The following SLC27A1 variants were observed in gnomAD, a reference collection of about 807,000 sequenced individuals.
The protein encoded by SLC27A1 is solute carrier family 27 member 1, also known as long-chain fatty acid transport protein 1.
Under a neutral mutation model 62.2 loss-of-function variants are expected in SLC27A1, and 61 were observed. The observed-to-expected ratio is 0.98, with a 90% CI of 0.80 to 1.21. SLC27A1 has a LOEUF of 1.21. Among genes scored for constraint, SLC27A1 ranks in the 50% most tolerant of loss-of-function variants. The probability of loss-of-function intolerance (pLI) is 0.00; values close to 1 mark genes in which losing one functional copy is unlikely to be tolerated. For synonymous variants in SLC27A1, 435 were observed against 408.6 expected (o/e 1.06, Z -0.78); for missense variants, 903 against 932.1 (o/e 0.97, Z 0.41).
chr19:17,502,344 GTTT>G (rs1231886797), intron 11 of SLC27A1, among the ~76,000 whole-genome samples: 3 of 15,696 alleles, frequency 1.9e-4, no homozygotes, highest in Non-Finnish European at 4.0e-4. Flanking sequence ...TGTTTTTTTT[GTTT>G]TTTTTTTTTT....
chr19:17,469,853 C>A (rs1401080255), upstream of SLC27A1, among the ~76,000 whole-genome samples: 2 of 82,234 alleles, frequency 2.4e-5, no homozygotes, highest in African/African-American at 4.8e-5. Flanking sequence ...GGGGCTTGAA[C>A]GGATTGGGGA....
intron 1 of SLC27A1, among the ~76,000 whole-genome samples, chr19:17,480,200 G>A (rs2075162457): frequency 6.6e-6 from 1 of 150,924 alleles, no homozygotes; most frequent in Non-Finnish European, 1.5e-5. Flanking sequence ...GCTAATTTTT[G>A]TATTTTTAGT....
chr19:17,500,736 T>C lies in SLC27A1; in HGVS notation c.1496T>C (p.Leu499Pro). ...LSGDVLVMDE[L>P]GYMYFRDRSG... is the part of the protein sequence containing the mutation. ...GGTGACGTGCTAGTGATGGATGAGC[T>C]GGGCTACATGTACTTCCGGGACCGT... is the stretch of plus-strand genomic sequence containing the variant. Residue 499 changes from leucine (L) to proline (P), a missense_variant, in exon 10 of 12, where the codon CTG (leucine) becomes CCG (proline). Coordinates refer to ENST00000252595, the MANE Select transcript of SLC27A1 (RefSeq NM_198580.3). 6.2e-7 allele frequency: 1 copy of C among 1,614,060 alleles called. No homozygotes were observed. The highest frequency in any genetic ancestry group is 8.5e-7 in the Non-Finnish European group (1 of 1,180,006).
In SLC27A1 at chr19:17,487,447, G is replaced by A; in HGVS notation, c.725-13G>A. 1.9e-6 allele frequency: 3 copies of A among 1,560,724 alleles called. No homozygotes were observed. Among genetic ancestry groups the A allele is most frequent in the Non-Finnish European group, 2.6e-6 (3 of 1,164,570 alleles). On this transcript the variant is annotated splice_polypyrimidine_tract_variant and intron_variant, in intron 3 of 11. Coordinates refer to ENST00000252595, the MANE Select transcript of SLC27A1 (RefSeq NM_198580.3). ...TGCTCAGGCCCCACCCCTAACACCT[G>A]TATCTCCTGCAGATCGTCTTTTCTA...
chr19:17,483,762 C>G (rs984405104), intron 1 of SLC27A1: 1 of 152,718 alleles, frequency 6.5e-6, no homozygotes, highest in Non-Finnish European at 1.5e-5. Flanking sequence ...TAATTCCCCC[C>G]ACACTGACCT....
rs1027967628 is a variant in SLC27A1, at chr19:17,489,174, C to T, written c.996+57C>T. On this transcript the variant is annotated intron_variant, in intron 6 of 11. Coordinates refer to ENST00000252595, the MANE Select transcript of SLC27A1 (RefSeq NM_198580.3). ...GCCCCTCCCAGCCAGGCCTCACCCCCTCCCAATCAGGCCCCACCTCCTCCC... is the reference window on the plus strand; with the variant it reads ...GCCCCTCCCAGCCAGGCCTCACCCCTTCCCAATCAGGCCCCACCTCCTCCC... 4.1e-6 allele frequency: 6 copies of T among 1,461,244 alleles called. No homozygotes were observed. The South Asian group carries it at 4.8e-5, about 12-fold the overall frequency. 90.5% of individuals were successfully genotyped at this position (1,461,244 alleles called of 1,614,324 possible). A position where few individuals can be genotyped will look rare whatever the true frequency, so the allele number is the denominator to read the frequency against.
Position 17,470,700 on chromosome 19 carries a change from GAC to G in SLC27A1, c.161_162del (p.Asp54AlafsTer123). ...LRIVCKTARR[D>X]LFGLSVLIRV... Reference sequence around the variant, plus strand: ...CATCGTCTGCAAGACCGCGAGGCGAGACCTCTTGTGAGTGTTGCCGGGATCCG... The same window carrying G: ...CATCGTCTGCAAGACCGCGAGGCGAGCTCTTGTGAGTGTTGCCGGGATCCG... On this transcript the variant is annotated frameshift_variant, in exon 1 of 12. Transcript: ENST00000252595. LOFTEE classifies it high-confidence loss of function. 6.3e-7 allele frequency: 1 copy of G among 1,582,050 alleles called. No homozygotes were observed. Among genetic ancestry groups the G allele is most frequent in the Non-Finnish European group, 8.5e-7 (1 of 1,170,322 alleles).
intron 1 of SLC27A1, among the ~76,000 whole-genome samples, chr19:17,478,846 C>A (rs910613787): frequency 1.7e-4 from 26 of 152,236 alleles, no homozygotes; most frequent in Non-Finnish European, 2.6e-4. Flanking sequence ...GCACTCCACC[C>A]TGGGCAACTG....
In SLC27A1 at chr19:17,486,536, C is replaced by G; in HGVS notation, c.168-27C>G. ...GCCAGGCGGGGCAGGGCACCAGTGA[C>G]GCTGTCCCCTCCGTCCTCCCTCCCA... On this transcript the variant is annotated intron_variant, in intron 1 of 11. Coordinates refer to ENST00000252595, the MANE Select transcript of SLC27A1 (RefSeq NM_198580.3). The surrounding 1 kb of genome is among the most constrained non-coding windows in gnomAD (Gnocchi z 6.6). The G allele has an allele frequency of 6.5e-7, 1 of 1,545,184 alleles. No individual in the cohort carries two copies. The highest frequency in any genetic ancestry group is 8.7e-7 in the Non-Finnish European group (1 of 1,151,764).
Position 17,500,844 on chromosome 19 carries a change from C to CAA in SLC27A1, c.1605_1606insAA (p.Asp536LysfsTer89). On this transcript the variant is annotated frameshift_variant, in exon 10 of 12. Transcript: ENST00000252595. LOFTEE classifies it high-confidence loss of function. ...GTGCTGAGCCGCCTGCTGGGCCAGACAGACGTGGCCGTCTATGGGGTGGCT... is the reference window on the plus strand; with the variant it reads ...GTGCTGAGCCGCCTGCTGGGCCAGACAAAGACGTGGCCGTCTATGGGGTGGCT... The CAA allele has an allele frequency of 1.2e-6, 2 of 1,610,456 alleles. No individual in the cohort carries two copies. Among genetic ancestry groups the CAA allele is most frequent in the Non-Finnish European group, 1.7e-6 (2 of 1,178,892 alleles).
Position 17,505,139 on chromosome 19 carries a change from T to C in SLC27A1, c.*527T>C, listed in dbSNP as rs2075464695. ...GAACTCCTGACCTCAGGTGATCCGC[T>C]GGCCTCGGCCTCCCAGAGTGCTGGG... On this transcript the variant is annotated 3_prime_UTR_variant, in exon 12 of 12. Coordinates refer to ENST00000252595, the MANE Select transcript of SLC27A1 (RefSeq NM_198580.3). The C allele has an allele frequency of 2.9e-6, 1 of 340,182 alleles. No individual in the cohort carries two copies. Among genetic ancestry groups the C allele is most frequent in the South Asian group, 2.3e-5 (1 of 43,042 alleles). The allele number at this position is 340,182 out of a possible 1,614,324, so 21.1% of individuals were successfully genotyped here. A position where few individuals can be genotyped will look rare whatever the true frequency, so the allele number is the denominator to read the frequency against.
chr19:17,487,560 C>A, intron 4 of SLC27A1, 31 bp downstream of exon 4: 1 of 1,602,084 alleles, frequency 6.2e-7, no homozygotes, highest in Non-Finnish European at 8.5e-7. Flanking sequence ...ATGCCCTCAG[C>A]CGCTGAGAGT....
At position 17,504,479 on chromosome 19, in the gene SLC27A1, G is replaced by A; in HGVS notation, c.1808G>A (p.Arg603Lys). ...GGCACCTTCAAGATCCAGAAGACGA[G>A]GCTGCAGCGAGAGGGCTTTGACCCA... The part of the protein sequence containing the change: ...TTGTFKIQKT[R>K]LQREGFDPRQ... The change falls in exon 12 of 12, where the codon AGG becomes AAG. Residue 603 changes from arginine to lysine, a missense_variant. Physicochemically the swap from Arg to Lys is conservative, Grantham distance 26. Transcript: ENST00000252595. 1 of 1,614,162 alleles carries A rather than the reference G, an allele frequency of 6.2e-7. No homozygotes were observed. The highest frequency in any genetic ancestry group is 1.1e-5 in the South Asian group (1 of 91,084).
Position 17,479,501 on chromosome 19 carries a change from G to C in SLC27A1, c.168-7062G>C, listed in dbSNP as rs75764577. Among the ~76,000 whole-genome samples, 947 of 152,288 alleles carry C rather than the reference G, an allele frequency of 6.2e-3. 13 individuals are homozygous for C. The highest frequency in any genetic ancestry group is 0.022 in the African/African-American group (894 of 41,566). On this transcript the variant is annotated intron_variant, in intron 1 of 11. Transcript: ENST00000252595. The stretch of plus-strand genomic sequence containing the variant: ...AGGTCATCCCTCCCCTGCTTAGGGC[G>C]TTTGGTGTTTTTCTGATCTTCTGCA...
In SLC27A1 at chr19:17,486,034, C is replaced by T. The variant is rs2075226041; in HGVS notation, c.168-529C>T. ...TGGCATTGGTCCTTACACCCCCCAT[C>T]CACTGGCACATCTCCTGGCCCTACC... On this transcript the variant is annotated intron_variant, in intron 1 of 11. Coordinates refer to ENST00000252595, the MANE Select transcript of SLC27A1 (RefSeq NM_198580.3). This position sits in a 1 kb window ranked among gnomAD's most constrained non-coding sequence, Gnocchi z 6.6. Among the ~76,000 whole-genome samples, 1 of 152,168 alleles carries T rather than the reference C, an allele frequency of 6.6e-6. No individual in the cohort carries two copies. The highest frequency in any genetic ancestry group is 1.5e-5 in the Non-Finnish European group (1 of 68,014).
In SLC27A1 at chr19:17,506,113, C is replaced by G. The variant is rs971173609; in HGVS notation, c.*1501C>G. ...ACCGTGGCGTCTCATGTGAACTTTC[C>G]TGGGCACTGTGGTTTTATTTCCTAA... On this transcript the variant is annotated 3_prime_UTR_variant, in exon 12 of 12. Transcript: ENST00000252595. 2.0e-5 allele frequency: 3 copies of G among 152,238 alleles called. No individual in the cohort carries two copies. 9.4% of individuals were successfully genotyped at this position (152,238 alleles called of 1,614,324 possible).
Position 17,486,558 on chromosome 19 carries a change from C to T in SLC27A1, c.168-5C>T, listed in dbSNP as rs1172265961. ...TGACGCTGTCCCCTCCGTCCTCCCT[C>T]CCAGCGGTCTCTCTGTGCTGATCCG... On this transcript the variant is annotated splice_polypyrimidine_tract_variant and splice_region_variant and intron_variant, in intron 1 of 11. Coordinates refer to ENST00000252595, the MANE Select transcript of SLC27A1 (RefSeq NM_198580.3). This position sits in a 1 kb window ranked among gnomAD's most constrained non-coding sequence, Gnocchi z 6.6. 1 of 1,574,050 alleles carries T rather than the reference C, an allele frequency of 6.4e-7. No homozygotes were observed. The highest frequency in any genetic ancestry group is 2.1e-4 in the Middle Eastern group (1 of 4,834).
In SLC27A1 at chr19:17,497,397, T is replaced by A. The variant is rs893731339; in HGVS notation, c.1139T>A (p.Val380Glu). Residue 380 changes from valine (V) to glutamate (E), a missense_variant, in exon 7 of 12, where the codon GTA becomes GAA. Physicochemically the swap from Val to Glu is moderately radical, Grantham distance 121 (BLOSUM62 -2). Transcript: ENST00000252595. ...IWEEFTERFG[V>E]RQIGEFYGAT... ...GAGGAGTTCACGGAGCGCTTCGGCG[T>A]ACGCCAAATCGGGGAGTTCTACGGC... 5 of 1,605,470 alleles carry A rather than the reference T, an allele frequency of 3.1e-6. No individual in the cohort carries two copies. The highest frequency in any genetic ancestry group is 2.3e-5 in the East Asian group (1 of 44,252).
At chr19:17,491,339 G>C (rs1251031993) in intron 6 of SLC27A1, 1 of 151,888 alleles carries the variant, frequency 6.6e-6, no homozygotes, top group Non-Finnish European at 1.5e-5. Flanking sequence ...CCAGCCCCTG[G>C]CAACCACTAT....
Sources: allele counts gnomAD v4.1 joint callset (sites outside exome capture counted in the v4.1 genomes callset), GRCh38; gene constraint gnomAD v4.1.1; non-coding constraint Gnocchi (gnomAD v3.1); transcripts MANE v1.5; gene names NCBI Gene and HGNC (gene_info 2026-07-23, HGNC 2026-07-21).